The following TMCC1 variants were observed in gnomAD, a reference collection of about 807,000 sequenced individuals.
TMCC1 encodes transmembrane and coiled-coil domains protein 1.
Under a neutral mutation model 52.4 loss-of-function variants are expected in TMCC1, and 15 were observed. That is an observed-to-expected ratio of 0.29 (90% CI 0.19 to 0.44). The LOEUF (loss-of-function observed/expected upper bound fraction) is 0.44, where lower values mean the gene tolerates loss of function less well. Ranked by LOEUF, TMCC1 falls within the 20% of genes least tolerant of loss-of-function variation. TMCC1 has a pLI of 1.00. For synonymous variants in TMCC1, 279 were observed against 301.9 expected (o/e 0.92, Z 0.79); for missense variants, 503 against 806.0 (o/e 0.62, Z 4.55).
Position 129,784,639 on chromosome 3 carries a change from G to A in TMCC1, c.576+43164C>T, listed in dbSNP as rs117385833. ...TACATGGTGGGGGGTGGGGAGAAGA[G>A]TGTGTGGAGGGAGTGGTTTCGCTAT... On this transcript the variant is annotated intron_variant, in intron 4 of 6. Coordinates refer to ENST00000393238, the MANE Select transcript of TMCC1 (RefSeq NM_001017395.5). 3.6e-4 allele frequency among the ~76,000 whole-genome samples: 54 copies of A among 151,702 alleles called. No individual in the cohort carries two copies. The East Asian group carries it at 9.9e-3, about 28-fold the overall frequency.
At chr3:129,819,991 C>T (rs2058334523) in intron 4 of TMCC1, 1 of 151,138 alleles carries the variant, frequency 6.6e-6, no homozygotes, top group Non-Finnish European at 1.5e-5. Context: ...CCCAGGAAGG[C>T]TACGGATTCA....
chr3:129,846,886 A>G (rs969581381), intron 2 of TMCC1, among the ~76,000 whole-genome samples: 1 of 150,336 alleles, frequency 6.7e-6, no homozygotes, highest in African/African-American at 2.4e-5. Flanking sequence ...AAAAAAAAAA[A>G]AAAAAAAAGG....
intron 4 of TMCC1, among the ~76,000 whole-genome samples, chr3:129,759,255 G>C (rs1051700854): frequency 3.3e-5 from 5 of 150,844 alleles, no homozygotes; most frequent in Admixed American, 2.0e-4. Flanking sequence ...TCTTACACTT[G>C]TGTAATTCAT....
chr3:129,807,677 G>A (rs1365548007), intron 4 of TMCC1, among the ~76,000 whole-genome samples: 2 of 152,026 alleles, frequency 1.3e-5, no homozygotes, highest in East Asian at 1.9e-4. Context: ...TGTCAATACT[G>A]GAAGCTAAAA....
chr3:129,811,121 G>A (rs1373727965), intron 4 of TMCC1, among the ~76,000 whole-genome samples: 6 of 152,008 alleles, frequency 3.9e-5, no homozygotes, highest in Non-Finnish European at 5.9e-5. Context: ...ATTCTAAAGC[G>A]TATTCCTCAG....
At chr3:129,661,741 G>A (rs1230374253) in intron 5 of TMCC1, among the ~76,000 whole-genome samples, 1 of 152,050 alleles carries the variant, frequency 6.6e-6, no homozygotes, top group Non-Finnish European at 1.5e-5. Flanking sequence ...AGGCAGAGGT[G>A]CAGTGAGCTG....
At chr3:129,768,268 G>C (rs1328179021) in intron 4 of TMCC1, among the ~76,000 whole-genome samples, 2 of 152,114 alleles carry the variant, frequency 1.3e-5, no homozygotes, top group East Asian at 3.8e-4. Flanking sequence ...CAGGACATAG[G>C]TATCCCTCAC....
At chr3:129,879,945 G>C (rs912797901) in intron 2 of TMCC1, among the ~76,000 whole-genome samples, 1 of 152,052 alleles carries the variant, frequency 6.6e-6, no homozygotes, top group African/African-American at 2.4e-5. Context: ...AAGCTGAGGT[G>C]GGGGATCACT....
intron 5 of TMCC1, among the ~76,000 whole-genome samples, chr3:129,657,406 T>C (rs2086733979): frequency 6.6e-6 from 1 of 152,252 alleles, no homozygotes; most frequent in Admixed American, 6.5e-5. Flanking sequence ...GAAGGTATTA[T>C]CTGCATTTTA....
intron 5 of TMCC1, among the ~76,000 whole-genome samples, chr3:129,666,290 C>G (rs2087446217): frequency 6.6e-6 from 1 of 152,152 alleles, no homozygotes; most frequent in Non-Finnish European, 1.5e-5. Flanking sequence ...TGTAGAGGCA[C>G]ATAAATGGAC....
intron 2 of TMCC1, among the ~76,000 whole-genome samples, chr3:129,837,757 C>T (rs893486061): frequency 6.6e-6 from 1 of 152,022 alleles, no homozygotes; most frequent in African/African-American, 2.4e-5. Context: ...ACAGTAAAAA[C>T]TCTAATGAAA....
At chr3:129,702,119 G>A (rs891780694) in intron 4 of TMCC1, among the ~76,000 whole-genome samples, 1 of 152,048 alleles carries the variant, frequency 6.6e-6, no homozygotes, top group Non-Finnish European at 1.5e-5. Context: ...GAAAATGTAT[G>A]TTTACCTTTA....
At chr3:129,757,296 A>G (rs1351134256) in intron 4 of TMCC1, among the ~76,000 whole-genome samples, 2 of 151,780 alleles carry the variant, frequency 1.3e-5, no homozygotes, top group Non-Finnish European at 2.9e-5. Flanking sequence ...TTACTCCCCT[A>G]TCCTCTGGTT....
At chr3:129,772,898 G>A (rs1057505868) in intron 4 of TMCC1, among the ~76,000 whole-genome samples, 1 of 152,024 alleles carries the variant, frequency 6.6e-6, no homozygotes, top group African/African-American at 2.4e-5. Flanking sequence ...CTACTCTGTT[G>A]GTAAAATAGT....
chr3:129,688,894 AG>A (rs1214872556), intron 4 of TMCC1, among the ~76,000 whole-genome samples: 1 of 152,218 alleles, frequency 6.6e-6, no homozygotes, highest in East Asian at 1.9e-4. Flanking sequence ...AAATCAGATA[AG>A]GTTGAAAGAA....
chr3:129,734,904 A>AT (rs139829106), intron 4 of TMCC1, among the ~76,000 whole-genome samples: 8,326 of 142,096 alleles, frequency 0.059, 359 homozygotes, highest in Non-Finnish European at 0.085. Context: ...TCTGTTCGAA[A>AT]TTTTTTTTTT....
chr3:129,683,583 T>G (rs1352837708), intron 4 of TMCC1, among the ~76,000 whole-genome samples: 1 of 152,194 alleles, frequency 6.6e-6, no homozygotes, highest in African/African-American at 2.4e-5. Flanking sequence ...TTTTAATTCT[T>G]TGTTTTGTTT....
chr3:129,817,138 C>T (rs1473139412), intron 4 of TMCC1, among the ~76,000 whole-genome samples: 1 of 151,726 alleles, frequency 6.6e-6, no homozygotes, highest in African/African-American at 2.4e-5. Context: ...CATGAACCCC[C>T]AAAATACGTA....
chr3:129,818,029 C>CA (rs1226129860), intron 4 of TMCC1, among the ~76,000 whole-genome samples: 4 of 152,054 alleles, frequency 2.6e-5, no homozygotes, highest in Non-Finnish European at 5.9e-5. Flanking sequence ...AGGCTGGTCT[C>CA]AAACTCCTGA....
Sources: allele counts gnomAD v4.1 joint callset (sites outside exome capture counted in the v4.1 genomes callset), GRCh38; gene constraint gnomAD v4.1.1; transcripts MANE v1.5; gene names NCBI Gene and HGNC (gene_info 2026-07-23, HGNC 2026-07-21).